CDC40: variants seen among roughly 807,000 people sequenced by gnomAD.
The protein encoded by CDC40 is pre-mRNA-processing factor 17.
A neutral mutation model predicts 80.6 loss-of-function variants in CDC40; 27 were observed. The observed-to-expected ratio is 0.33, with a 90% CI of 0.25 to 0.46. The LOEUF (loss-of-function observed/expected upper bound fraction) is 0.46. Ranked by LOEUF, CDC40 falls within the 20% of genes least tolerant of loss-of-function variation. The pLI, the probability that CDC40 is intolerant of heterozygous loss-of-function variation, is 1.00. For missense variants in CDC40, 486 were observed against 694.1 expected, an observed-to-expected ratio of 0.70 and a Z score of 3.37; for synonymous variants, 221 against 232.6, an observed-to-expected ratio of 0.95 and a Z score of 0.45.
intron 2 of CDC40, among the ~76,000 whole-genome samples, chr6:110,195,604 G>C (rs921834762): frequency 1.3e-5 from 2 of 152,106 alleles, no homozygotes; most frequent in African/African-American, 4.8e-5. Context: ...GATAATGTAT[G>C]ATATAGTTAA....
intron 12 of CDC40, among the ~76,000 whole-genome samples, chr6:110,220,655 C>G (rs952083632): frequency 6.6e-6 from 1 of 152,064 alleles, no homozygotes; most frequent in Non-Finnish European, 1.5e-5. Flanking sequence ...CTGTGTTAGC[C>G]AGGATGGTCT....
At chr6:110,202,312 A>G (rs1010097603) in intron 3 of CDC40, among the ~76,000 whole-genome samples, 1 of 152,222 alleles carries the variant, frequency 6.6e-6, no homozygotes, top group Non-Finnish European at 1.5e-5. Flanking sequence ...GCTATATACC[A>G]CTTAAATCAC....
intron 3 of CDC40, 85 bp from the exon 4 acceptor site, chr6:110,207,421 G>T: frequency 6.1e-6 from 4 of 656,542 alleles, no homozygotes; most frequent in Non-Finnish European, 1.1e-5. Context: ...GAAAGAAAAT[G>T]TGAAATGTGT....
chr6:110,228,186 A>G (rs1312706788), intron 13 of CDC40, among the ~76,000 whole-genome samples: 1 of 152,152 alleles, frequency 6.6e-6, no homozygotes, highest in Non-Finnish European at 1.5e-5. Flanking sequence ...CTCAGCATAG[A>G]AAAGGTACAG....
At chr6:110,192,786 C>T (rs926495175) in intron 1 of CDC40, among the ~76,000 whole-genome samples, 1 of 152,118 alleles carries the variant, frequency 6.6e-6, no homozygotes, top group African/African-American at 2.4e-5. Context: ...CTCCAGTACC[C>T]AACCAAGTGC....
At chr6:110,210,542 ACTCAT>A (rs1182345121) in intron 5 of CDC40, among the ~76,000 whole-genome samples, 160 bp from the exon 6 acceptor site, 2 of 138,630 alleles carry the variant, frequency 1.4e-5, no homozygotes, top group Non-Finnish European at 3.0e-5. Flanking sequence ...ACAGTGCGAG[ACTCAT>A]CTCAGAAAAA....
At chr6:110,221,865 CTTTT>C (rs200106149) in intron 12 of CDC40, among the ~76,000 whole-genome samples, 1 of 121,264 alleles carries the variant, frequency 8.2e-6, no homozygotes. Context: ...TAGTATGTTT[CTTTT>C]TTTTTTTTTT....
At chr6:110,213,442 T>C (rs1048353108) in intron 8 of CDC40, among the ~76,000 whole-genome samples, 6 of 150,310 alleles carry the variant, frequency 4.0e-5, no homozygotes, top group African/African-American at 1.2e-4. Flanking sequence ...CAGGCTGGAG[T>C]GCAGTGGCAC....
intron 1 of CDC40, among the ~76,000 whole-genome samples, chr6:110,185,478 G>A (rs1340352006): frequency 1.3e-5 from 2 of 151,924 alleles, no homozygotes; most frequent in East Asian, 1.9e-4. Flanking sequence ...TCCTGACCTC[G>A]TGATCCGCCC....
chr6:110,204,469 G>T (rs995326501), intron 3 of CDC40, among the ~76,000 whole-genome samples: 1 of 152,018 alleles, frequency 6.6e-6, no homozygotes, highest in Non-Finnish European at 1.5e-5. Flanking sequence ...TTAAAACATG[G>T]TAGTGAATAT....
chr6:110,220,740 C>T (rs960823455), intron 12 of CDC40, among the ~76,000 whole-genome samples: 5 of 152,206 alleles, frequency 3.3e-5, no homozygotes, highest in African/African-American at 9.7e-5. Context: ...CCACTGCACC[C>T]AGCCAGAAAG....
chr6:110,224,321 A>G (rs1160907597), intron 12 of CDC40: 2 of 152,162 alleles, frequency 1.3e-5, no homozygotes, highest in Non-Finnish European at 2.9e-5. Flanking sequence ...TTTGCAAGAT[A>G]TGAGTTACTA....
At chr6:110,216,609 A>G (rs976957880) in intron 9 of CDC40, among the ~76,000 whole-genome samples, 3 of 152,180 alleles carry the variant, frequency 2.0e-5, no homozygotes, top group African/African-American at 7.2e-5. Flanking sequence ...GCTGTAGAAA[A>G]GGATGCCTAA....
intron 2 of CDC40, among the ~76,000 whole-genome samples, chr6:110,201,296 A>C (rs1364284438): frequency 6.6e-6 from 1 of 152,184 alleles, no homozygotes; most frequent in African/African-American, 2.4e-5. Flanking sequence ...GCTGACAACC[A>C]CATGGGGCTA....
At chr6:110,218,802 A>G (rs1777731335) in intron 10 of CDC40, among the ~76,000 whole-genome samples, 2 of 152,010 alleles carry the variant, frequency 1.3e-5, no homozygotes, top group Admixed American at 6.6e-5. Context: ...AAATGTATGA[A>G]GTGCCTAAAT....
chr6:110,225,540 T>C (rs1307339996), intron 12 of CDC40, among the ~76,000 whole-genome samples: 2 of 151,854 alleles, frequency 1.3e-5, no homozygotes, highest in African/African-American at 4.8e-5. Context: ...GTACCAAGCA[T>C]TTATTTATCA....
chr6:110,187,128 G>A (rs187709539), intron 1 of CDC40, among the ~76,000 whole-genome samples: 23 of 152,198 alleles, frequency 1.5e-4, no homozygotes, highest in African/African-American at 5.1e-4. Flanking sequence ...ACAGGCACCC[G>A]CCACCACGCC....
intron 6 of CDC40, 109 bp from the exon 7 acceptor site, chr6:110,212,024 C>T: frequency 1.1e-6 from 1 of 902,502 alleles, no homozygotes. Flanking sequence ...ATTACCTAAA[C>T]CTTAATATGG....
chr6:110,212,440 G>A (rs1042496124), intron 7 of CDC40, among the ~76,000 whole-genome samples, 168 bp downstream of exon 7: 3 of 152,194 alleles, frequency 2.0e-5, no homozygotes, highest in African/African-American at 7.2e-5. Flanking sequence ...TCCATCACAA[G>A]TGACTAATCA....
Sources: gnomAD v4.1 joint callset for allele counts (sites outside exome capture counted in the v4.1 genomes callset) on GRCh38, gnomAD v4.1.1 for gene constraint, MANE v1.5 for transcripts, NCBI Gene and HGNC (gene_info 2026-07-23, HGNC 2026-07-21) for gene names.